ATP10D: variants seen among roughly 807,000 people sequenced by gnomAD.
The protein encoded by ATP10D is phospholipid-transporting ATPase VD.
A neutral mutation model predicts 144.8 loss-of-function variants in ATP10D; 89 were observed. The observed-to-expected ratio is 0.61, with a 90% CI of 0.52 to 0.73. The LOEUF is 0.73. Ranked by LOEUF, ATP10D falls within the 30% of genes least tolerant of loss-of-function variation. The pLI is 0.00. For missense variants in ATP10D, 1,603 were observed against 1,714.8 expected (o/e 0.93, Z 1.15); for synonymous variants, 571 against 615.1 (o/e 0.93, Z 1.06).
chr4:47,527,504 A>G (rs897511357), intron 5 of ATP10D, among the ~76,000 whole-genome samples: 1 of 152,324 alleles, frequency 6.6e-6, no homozygotes, highest in African/African-American at 2.4e-5. Context: ...CAATGAAAAG[A>G]CAAGTCACAG....
chr4:47,509,822 A>T (rs1375937314), intron 1 of ATP10D, among the ~76,000 whole-genome samples: 1 of 152,132 alleles, frequency 6.6e-6, no homozygotes, highest in Non-Finnish European at 1.5e-5. Context: ...ACATTAGTGG[A>T]TCTTGAAACT....
intron 12 of ATP10D, among the ~76,000 whole-genome samples, chr4:47,558,713 A>G (rs1719121276): frequency 6.6e-6 from 1 of 152,240 alleles, no homozygotes; most frequent in African/African-American, 2.4e-5. Context: ...TGTTTGTATC[A>G]GGTTCTTGTA....
chr4:47,550,551 C>T lies in ATP10D; in HGVS notation c.1635+3689C>T, dbSNP rs932185168. Reference sequence around the variant, plus strand: ...TGGCGTGTGGCTTCCAAAATGGTGGCGGGCCACTTCCAAGATGGTGGCAAG... The same window carrying T: ...TGGCGTGTGGCTTCCAAAATGGTGGTGGGCCACTTCCAAGATGGTGGCAAG... On this transcript the variant is annotated intron_variant, in intron 10 of 22. Transcript: ENST00000273859. Among the ~76,000 whole-genome samples, 75 of 152,046 alleles carry T rather than the reference C, an allele frequency of 4.9e-4. 1 individual carries two copies. Among genetic ancestry groups the T allele is most frequent in the Non-Finnish European group, 1.0e-4 (7 of 67,994 alleles).
chr4:47,525,623 A>G lies in ATP10D; in HGVS notation c.757A>G (p.Ser253Gly), dbSNP rs1717200971. 6.2e-7 allele frequency: 1 copy of G among 1,613,106 alleles called. No individual in the cohort carries two copies. The highest frequency in any genetic ancestry group is 8.5e-7 in the Non-Finnish European group (1 of 1,179,252). The change falls in exon 5 of 23, where the codon AGC becomes GGC. Residue 253 changes from serine to glycine, a missense_variant. Physicochemically the swap from Ser to Gly is moderately conservative, Grantham distance 56 (BLOSUM62 0). Transcript: ENST00000273859. The stretch of plus-strand genomic sequence containing the variant: ...ATGTGAAAGCCCAAACAATGACCTC[A>G]GCAGATTCCGAGGCTTCCTGTGAGT... ...IECESPNNDL[S>G]RFRGFLEHSN... is the part of the protein sequence containing the mutation.
At chr4:47,584,140 T>C (rs1577710550) in intron 21 of ATP10D, among the ~76,000 whole-genome samples, 2 of 152,196 alleles carry the variant, frequency 1.3e-5, no homozygotes, top group South Asian at 4.1e-4. Flanking sequence ...TGCTGGAGGA[T>C]GCATGGCTAG....
chr4:47,554,124 T>G (rs1718857077), intron 10 of ATP10D, among the ~76,000 whole-genome samples: 1 of 152,234 alleles, frequency 6.6e-6, no homozygotes, highest in Non-Finnish European at 1.5e-5. Context: ...AGCAAACCTG[T>G]ACTGAGAAGA....
Position 47,536,470 on chromosome 4 carries a change from T to A in ATP10D, c.1049T>A (p.Met350Lys), listed in dbSNP as rs1379278368. The change falls in exon 8 of 23, where the codon ATG becomes AAG. Residue 350 changes from methionine (M) to lysine (K), a missense_variant. Coordinates refer to ENST00000273859, the MANE Select transcript of ATP10D (RefSeq NM_020453.4). ...ATCTGGCTGAGCAGGTATGAAAAGA[T>A]GCATTTTTTCAATGTTCCCGAGCCT... ...HGIWLSRYEK[M>K]HFFNVPEPDG... The A allele has an allele frequency of 1.2e-6, 2 of 1,613,708 alleles. No individual in the cohort carries two copies. Among genetic ancestry groups the A allele is most frequent in the Admixed American group, 3.3e-5 (2 of 59,994 alleles).
intron 10 of ATP10D, among the ~76,000 whole-genome samples, chr4:47,553,604 G>T (rs76095351): frequency 0.028 from 4,307 of 152,232 alleles, 196 homozygotes; most frequent in African/African-American, 0.099. Flanking sequence ...CACCTGGGAG[G>T]TAAGTGTTAT....
intron 1 of ATP10D, among the ~76,000 whole-genome samples, chr4:47,509,943 GGTGTGTGTGTGTGTGTGTGTGTGTGTGT>G: frequency 7.0e-6 from 1 of 143,816 alleles, no homozygotes; most frequent in Admixed American, 7.1e-5. Context: ...TTGTTTCAGG[GGTGTGTGTGTGTGTGTGTGTGTGTGTGT>G]GTGTGTGTGT....
At position 47,528,495 on chromosome 4, in the gene ATP10D, GTGTGTGTGTGTGTGTGTGTATATA is replaced by G. The variant is rs1311814471; in HGVS notation, c.776+2855_776+2878del. Among the ~76,000 whole-genome samples, 22 of 77,432 alleles carry G rather than the reference GTGTGTGTGTGTGTGTGTGTATATA, an allele frequency of 2.8e-4. No individual in the cohort carries two copies. In the South Asian group the frequency reaches 3.4e-3, roughly 12 times the overall value. 50.8% of individuals were successfully genotyped at this position (77,432 alleles called of 152,430 possible). On this transcript the variant is annotated intron_variant, in intron 5 of 22. Transcript: ENST00000273859. ...TGTGTGTGTGTGTGTGTGTGTGTGTGTGTGTGTGTGTGTGTGTGTATATATATATATATACACACCACATTGTCT... is the reference window on the plus strand; with the variant it reads ...TGTGTGTGTGTGTGTGTGTGTGTGTGTATATATATACACACCACATTGTCT...
chr4:47,535,761 A>G, intron 6 of ATP10D, 141 bp from the exon 7 acceptor site: 1 of 1,318,524 alleles, frequency 7.6e-7, no homozygotes, highest in Non-Finnish European at 1.0e-6. Flanking sequence ...TTCTAAATGG[A>G]TCACAAAAGC....
chr4:47,533,940 C>T (rs1717695350), intron 5 of ATP10D, among the ~76,000 whole-genome samples: 2 of 152,248 alleles, frequency 1.3e-5, no homozygotes, highest in African/African-American at 4.8e-5. Context: ...ATTATCACAC[C>T]TGACAAAACT....
chr4:47,572,189 G>GC lies in ATP10D; in HGVS notation c.3200dup (p.Asp1068ArgfsTer19). 1 of 1,614,044 alleles carries GC rather than the reference G, an allele frequency of 6.2e-7. No homozygotes were observed. Reference sequence around the variant, plus strand: ...CAATGATGTTAGCATGATACAAGTGGCAGACATTGGGATAGGGGTCTCAGG... The same window carrying GC: ...CAATGATGTTAGCATGATACAAGTGGCCAGACATTGGGATAGGGGTCTCAGG... On this transcript the variant is annotated frameshift_variant, in exon 17 of 23. Transcript: ENST00000273859. LOFTEE classifies it high-confidence loss of function.
In ATP10D at chr4:47,587,191, T is replaced by C; in HGVS notation, c.3926T>C (p.Ile1309Thr). 3 of 1,613,026 alleles carry C rather than the reference T, an allele frequency of 1.9e-6. No individual in the cohort carries two copies. Among genetic ancestry groups the C allele is most frequent in the Non-Finnish European group, 2.5e-6 (3 of 1,179,402 alleles). The change falls in exon 22 of 23, where the codon ATT becomes ACT. Residue 1309 changes from isoleucine (I) to threonine (T), a missense_variant. By Grantham distance (89) the Ile-to-Thr change is moderately conservative. Coordinates refer to ENST00000273859, the MANE Select transcript of ATP10D (RefSeq NM_020453.4). ...TTAGTTTGTATCCTCACGACGTCCATTGCTCTTCTGCCCAGGTATGGTATT... is the reference window on the plus strand; with the variant it reads ...TTAGTTTGTATCCTCACGACGTCCACTGCTCTTCTGCCCAGGTATGGTATT... ...FYLVCILTTS[I>T]ALLPRFVYRV...
At chr4:47,542,387 A>T (rs577040847) in intron 9 of ATP10D, among the ~76,000 whole-genome samples, 75 of 150,464 alleles carry the variant, frequency 5.0e-4, no homozygotes, top group African/African-American at 1.7e-3. Context: ...GTAAGCCACC[A>T]CACCTGGCTT....
intron 9 of ATP10D, 141 bp from the exon 10 acceptor site, chr4:47,546,483 G>A: frequency 2.7e-6 from 2 of 729,968 alleles, no homozygotes; most frequent in Non-Finnish European, 4.8e-6. Context: ...CATTGACCAA[G>A]GCTATGGGAG....
chr4:47,521,706 T>TG (rs1228136356), intron 3 of ATP10D, among the ~76,000 whole-genome samples: 1 of 152,182 alleles, frequency 6.6e-6, no homozygotes, highest in Non-Finnish European at 1.5e-5. Flanking sequence ...ATAATACCCC[T>TG]GCCTACCTTT....
chr4:47,518,269 T>C (rs570171768), intron 3 of ATP10D, among the ~76,000 whole-genome samples: 68 of 152,290 alleles, frequency 4.5e-4, no homozygotes, highest in Non-Finnish European at 5.6e-4. Flanking sequence ...GGCGCTTAAT[T>C]TTCTATAGAA....
intron 1 of ATP10D, among the ~76,000 whole-genome samples, chr4:47,490,651 G>A (rs61513995): frequency 5.6e-4 from 85 of 152,328 alleles, no homozygotes; most frequent in African/African-American, 1.9e-3. Context: ...GATTGGTAAC[G>A]GGCAGAGGAC....
Sources: allele counts gnomAD v4.1 joint callset (sites outside exome capture counted in the v4.1 genomes callset), GRCh38; gene constraint gnomAD v4.1.1; transcripts MANE v1.5; gene names NCBI Gene and HGNC (gene_info 2026-07-23, HGNC 2026-07-21).